PIP5K1B: variants seen among roughly 807,000 people sequenced by gnomAD.
PIP5K1B encodes phosphatidylinositol-4-phosphate 5-kinase type 1 beta.
A neutral mutation model predicts 67.0 loss-of-function variants in PIP5K1B; 42 were observed. That is an observed-to-expected ratio of 0.63 (90% CI 0.49 to 0.81). The LOEUF is 0.81. Among genes scored for constraint, PIP5K1B ranks in the 30% least tolerant of loss-of-function variants. The pLI is 0.00. For missense variants in PIP5K1B, 459 were observed against 646.3 expected (o/e 0.71, Z 3.14); for synonymous variants, 214 against 231.4 (o/e 0.92, Z 0.68).
chr9:68,971,511 G>A (rs1829368879), intron 14 of PIP5K1B, among the ~76,000 whole-genome samples: 1 of 152,190 alleles, frequency 6.6e-6, no homozygotes, highest in Non-Finnish European at 1.5e-5. Flanking sequence ...TATATACCCA[G>A]TAATGGGATT....
At chr9:68,736,731 A>T (rs1303804464) in intron 1 of PIP5K1B, among the ~76,000 whole-genome samples, 5 of 152,178 alleles carry the variant, frequency 3.3e-5, no homozygotes, top group Non-Finnish European at 5.9e-5. Context: ...TCCTATTCTG[A>T]ACCTCCTGTC....
At chr9:68,963,288 A>T (rs1014711619) in intron 14 of PIP5K1B, 1 of 451,258 alleles carries the variant, frequency 2.2e-6, no homozygotes, top group Non-Finnish European at 4.5e-6. Context: ...TGATCTCTTG[A>T]GTCCGGAAGT....
intron 2 of PIP5K1B, among the ~76,000 whole-genome samples, chr9:68,766,503 T>C (rs1347710630): frequency 6.6e-6 from 1 of 152,146 alleles, no homozygotes; most frequent in Non-Finnish European, 1.5e-5. Context: ...TTCACAGCCA[T>C]TGAAATTGAA....
intron 7 of PIP5K1B, among the ~76,000 whole-genome samples, chr9:68,892,052 A>T (rs183171559): frequency 6.6e-6 from 1 of 152,334 alleles, no homozygotes; most frequent in African/African-American, 2.4e-5. Context: ...TACAAGACCA[A>T]TATGAAGGAA....
intron 5 of PIP5K1B, among the ~76,000 whole-genome samples, chr9:68,867,892 A>G (rs542241146): frequency 1.2e-4 from 19 of 152,306 alleles, no homozygotes; most frequent in African/African-American, 4.3e-4. Context: ...GAGATGTTTT[A>G]ATTTACTGCT....
chr9:68,810,803 G>A (rs1833121274), intron 2 of PIP5K1B, among the ~76,000 whole-genome samples: 2 of 151,322 alleles, frequency 1.3e-5, no homozygotes, highest in African/African-American at 4.8e-5. Context: ...TACTGATGTA[G>A]AACAAGTTTT....
chr9:68,773,903 C>T (rs1470566995), intron 2 of PIP5K1B, among the ~76,000 whole-genome samples: 1 of 152,010 alleles, frequency 6.6e-6, no homozygotes, highest in Non-Finnish European at 1.5e-5. Flanking sequence ...ATCAGAATAA[C>T]CAAGTAAGTT....
intron 14 of PIP5K1B, among the ~76,000 whole-genome samples, chr9:68,973,113 G>C: frequency 6.6e-6 from 1 of 152,226 alleles, no homozygotes; most frequent in Admixed American, 6.5e-5. Flanking sequence ...AGTAATGCTG[G>C]TTAGAAGGGG....
chr9:69,006,240 G>GTCCTGGGTTCTGGCTTCTGGGATCATTC (rs1341697708), intron 15 of PIP5K1B, among the ~76,000 whole-genome samples: 2 of 152,084 alleles, frequency 1.3e-5, no homozygotes. Context: ...CCATGCAGTT[G>GTCCTGGGTTCTGGCTTCTGGGATCATTC]TCCTGGGTTC....
At chr9:68,782,733 T>G (rs1831367058) in intron 2 of PIP5K1B, 1 of 167,126 alleles carries the variant, frequency 6.0e-6, no homozygotes, top group Admixed American at 6.5e-5. Flanking sequence ...CTCGACCCTG[T>G]TGTTGAAATT....
At chr9:68,710,281 G>A (rs1365186026) in intron 1 of PIP5K1B, among the ~76,000 whole-genome samples, 2 of 152,130 alleles carry the variant, frequency 1.3e-5, no homozygotes, top group Non-Finnish European at 2.9e-5. Context: ...TAGCTCTACT[G>A]TTCATTTGTG....
At chr9:68,980,114 C>T (rs530560307) in intron 14 of PIP5K1B, among the ~76,000 whole-genome samples, 1 of 152,298 alleles carries the variant, frequency 6.6e-6, no homozygotes, top group East Asian at 1.9e-4. Context: ...ATGTGCCACA[C>T]GCTGATACTG....
At chr9:68,770,496 T>C (rs1300721611) in intron 2 of PIP5K1B, among the ~76,000 whole-genome samples, 1 of 152,272 alleles carries the variant, frequency 6.6e-6, no homozygotes, top group African/African-American at 2.4e-5. Flanking sequence ...CTGGAGAGAT[T>C]GTTGTGCAGT....
At chr9:68,971,587 T>C (rs1306691665) in intron 14 of PIP5K1B, among the ~76,000 whole-genome samples, 1 of 152,256 alleles carries the variant, frequency 6.6e-6, no homozygotes, top group Non-Finnish European at 1.5e-5. Flanking sequence ...TCCACAATGG[T>C]TGAACTAGTT....
At chr9:68,921,116 CT>C (rs1387903720) in intron 11 of PIP5K1B, among the ~76,000 whole-genome samples, 6 of 152,074 alleles carry the variant, frequency 3.9e-5, no homozygotes, top group Non-Finnish European at 7.4e-5. Flanking sequence ...TAAGGACTGA[CT>C]TCAGTCATAA....
intron 2 of PIP5K1B, among the ~76,000 whole-genome samples, chr9:68,779,446 A>C (rs1319527599): frequency 1.3e-5 from 2 of 152,154 alleles, no homozygotes; most frequent in Admixed American, 1.3e-4. Context: ...TTTTTCTGTA[A>C]GGTTTTAATC....
intron 2 of PIP5K1B, among the ~76,000 whole-genome samples, chr9:68,806,418 T>TG (rs1178019606): frequency 6.6e-6 from 1 of 152,228 alleles, no homozygotes. Flanking sequence ...TCATGACTAT[T>TG]GCAGCAGGCT....
chr9:68,916,610 A>G (rs1826105903), intron 8 of PIP5K1B, among the ~76,000 whole-genome samples: 1 of 152,176 alleles, frequency 6.6e-6, no homozygotes, highest in Non-Finnish European at 1.5e-5. Flanking sequence ...GCGGTGGCTC[A>G]CACCTGTAAT....
At chr9:68,785,068 T>C (rs1831534125) in intron 2 of PIP5K1B, among the ~76,000 whole-genome samples, 1 of 152,142 alleles carries the variant, frequency 6.6e-6, no homozygotes, top group Non-Finnish European at 1.5e-5. Flanking sequence ...AGAAGGCTTA[T>C]TAGGCTATGA....
Sources: allele counts gnomAD v4.1 joint callset (sites outside exome capture counted in the v4.1 genomes callset), GRCh38; gene constraint gnomAD v4.1.1; transcripts MANE v1.5; gene names NCBI Gene and HGNC (gene_info 2026-07-23, HGNC 2026-07-21).